SORCS1: variants seen among roughly 807,000 people sequenced by gnomAD.
SORCS1 encodes the protein sortilin related VPS10 domain containing receptor 1, also known as VPS10 domain-containing receptor SorCS1.
Under a neutral mutation model 146.1 loss-of-function variants are expected in SORCS1, and 60 were observed. The observed-to-expected ratio is 0.41, with a 90% CI of 0.33 to 0.51. The LOEUF is 0.51. Among genes scored for constraint, SORCS1 ranks in the 20% least tolerant of loss-of-function variants. The pLI is 0.21. For missense variants in SORCS1, 1,352 were observed against 1,487.6 expected, an observed-to-expected ratio of 0.91 and a Z score of 1.50; for synonymous variants, 637 against 584.0, an observed-to-expected ratio of 1.09 and a Z score of -1.31.
chr10:107,085,288 A>T lies in SORCS1; in HGVS notation c.558+78681T>A, dbSNP rs115270570. Among the ~76,000 whole-genome samples, 1,354 of 152,342 alleles carry T rather than the reference A, an allele frequency of 8.9e-3. 26 individuals are homozygous for T. The highest frequency in any genetic ancestry group is 0.031 in the African/African-American group (1,296 of 41,582). The stretch of plus-strand genomic sequence containing the variant: ...GCCTGATTCGTCCTCCGGTAATACC[A>T]TTTAAACACAACAAATAAAAATTGG... On this transcript the variant is annotated intron_variant, in intron 1 of 25. Transcript: ENST00000263054.
rs560916997 is a variant in SORCS1 at position 106,907,497 on chromosome 10, C to G, written c.626+49016G>C. On this transcript the variant is annotated intron_variant, in intron 2 of 25. Coordinates refer to ENST00000263054, the MANE Select transcript of SORCS1 (RefSeq NM_052918.5). ...TTTTTATCTGAAGGTGCTAAGATTACAGTGGATTCTATATTATTTCAATTA... is the reference window on the plus strand; with the variant it reads ...TTTTTATCTGAAGGTGCTAAGATTAGAGTGGATTCTATATTATTTCAATTA... 2.0e-5 allele frequency among the ~76,000 whole-genome samples: 3 copies of G among 152,212 alleles called. No individual in the cohort carries two copies. In the South Asian group the frequency reaches 6.2e-4, roughly 32 times the overall value.
intron 1 of SORCS1, among the ~76,000 whole-genome samples, chr10:107,055,553 G>A (rs1183643893): frequency 4.6e-5 from 7 of 152,200 alleles, no homozygotes; most frequent in African/African-American, 1.7e-4. Context: ...CTGGGCACAT[G>A]AGTGCTGTTG....
At chr10:106,765,249 C>G (rs1859476215) in intron 4 of SORCS1, among the ~76,000 whole-genome samples, 1 of 152,002 alleles carries the variant, frequency 6.6e-6, no homozygotes, top group East Asian at 1.9e-4. Flanking sequence ...GAGCACAAAC[C>G]CAACACTCAC....
intron 24 of SORCS1, among the ~76,000 whole-genome samples, chr10:106,587,476 C>T (rs1175591513): frequency 6.6e-6 from 1 of 152,232 alleles, no homozygotes; most frequent in Non-Finnish European, 1.5e-5. Flanking sequence ...ATTCTCCCTT[C>T]AAGTGGAAAG....
At chr10:106,785,009 T>C (rs1396634648) in intron 3 of SORCS1, among the ~76,000 whole-genome samples, 2 of 152,162 alleles carry the variant, frequency 1.3e-5, no homozygotes, top group Non-Finnish European at 2.9e-5. Flanking sequence ...CCATCCACAT[T>C]CTTCATCCCT....
chr10:106,669,668 C>A (rs1851437932), intron 16 of SORCS1, among the ~76,000 whole-genome samples: 1 of 152,228 alleles, frequency 6.6e-6, no homozygotes, highest in East Asian at 1.9e-4. Flanking sequence ...AGAAGTCACA[C>A]TGGGGAGGCC....
intron 1 of SORCS1, among the ~76,000 whole-genome samples, chr10:107,161,808 T>C (rs1969727115): frequency 6.6e-6 from 1 of 152,220 alleles, no homozygotes; most frequent in South Asian, 2.1e-4. Flanking sequence ...TAAAGACTAT[T>C]TCTCTTTCTC....
At chr10:107,131,471 C>T (rs949927769) in intron 1 of SORCS1, among the ~76,000 whole-genome samples, 10 of 152,160 alleles carry the variant, frequency 6.6e-5, no homozygotes, top group Admixed American at 5.9e-4. Context: ...GCCTTTAATC[C>T]CAGCACTTTG....
In SORCS1 at chr10:106,833,955, A is replaced by G. The variant is rs371101295; in HGVS notation, c.627-4282T>C. The stretch of plus-strand genomic sequence containing the variant: ...ACTACAGGCGCCCGCCACCATGCCC[A>G]GCTAATGTTTTGTATTTTTAGTAGA... On this transcript the variant is annotated intron_variant, in intron 2 of 25. Coordinates refer to ENST00000263054, the MANE Select transcript of SORCS1 (RefSeq NM_052918.5). 5.7e-3 allele frequency among the ~76,000 whole-genome samples: 866 copies of G among 152,098 alleles called. 9 individuals are homozygous for G. Among genetic ancestry groups the G allele is most frequent in the African/African-American group, 0.019 (805 of 41,512 alleles).
chr10:106,755,949 T>C (rs1589811686), intron 5 of SORCS1, among the ~76,000 whole-genome samples: 1 of 151,908 alleles, frequency 6.6e-6, no homozygotes. Context: ...GCCAACACGG[T>C]GAAATTCCGT....
intron 3 of SORCS1, among the ~76,000 whole-genome samples, chr10:106,826,497 T>A (rs1271127490): frequency 6.6e-6 from 1 of 152,252 alleles, no homozygotes; most frequent in Non-Finnish European, 1.5e-5. Context: ...TAACATAAAT[T>A]CTCATTGATT....
intron 8 of SORCS1, among the ~76,000 whole-genome samples, 161 bp from the exon 9 acceptor site, chr10:106,699,554 T>C (rs1393261380): frequency 6.6e-6 from 1 of 152,244 alleles, no homozygotes; most frequent in Non-Finnish European, 1.5e-5. Flanking sequence ...TAAGCATTAA[T>C]CATATATTTC....
intron 2 of SORCS1, among the ~76,000 whole-genome samples, chr10:106,878,827 T>C (rs1950703770): frequency 6.6e-6 from 1 of 151,138 alleles, no homozygotes; most frequent in Non-Finnish European, 1.5e-5. Flanking sequence ...GTGACTCCCA[T>C]GTAAGTGAGG....
intron 5 of SORCS1, among the ~76,000 whole-genome samples, chr10:106,738,061 T>A (rs2756249): frequency 0.78 from 119,127 of 152,108 alleles, 47,518 homozygotes; most frequent in Non-Finnish European, 0.87. Context: ...TATCCGATTT[T>A]TTCAGTCGTT....
At chr10:106,940,691 C>G (rs770230115) in intron 2 of SORCS1, among the ~76,000 whole-genome samples, 3 of 152,152 alleles carry the variant, frequency 2.0e-5, no homozygotes, top group African/African-American at 7.2e-5. Flanking sequence ...CCAGACCAAC[C>G]TGGCCAACAT....
intron 16 of SORCS1, among the ~76,000 whole-genome samples, chr10:106,668,129 T>C (rs528541663): frequency 6.6e-6 from 1 of 152,054 alleles, no homozygotes; most frequent in Non-Finnish European, 1.5e-5. Context: ...AAAGCTGTAA[T>C]GAGAAAACGG....
chr10:106,735,094 C>T (rs1006262930), intron 5 of SORCS1, among the ~76,000 whole-genome samples: 4 of 142,398 alleles, frequency 2.8e-5, no homozygotes, highest in East Asian at 2.0e-4. Context: ...TGCAGTGAGC[C>T]GAGATCAAGC....
At position 107,083,110 on chromosome 10, in the gene SORCS1, CAA is replaced by C. The variant is rs538577059; in HGVS notation, c.558+80857_558+80858del. 8.5e-3 allele frequency among the ~76,000 whole-genome samples: 512 copies of C among 60,470 alleles called. 4 individuals are homozygous for C. Among genetic ancestry groups the C allele is most frequent in the African/African-American group, 0.028 (475 of 16,788 alleles). The allele number at this position is 60,470 out of a possible 152,430, so 39.7% of individuals were successfully genotyped here. Reference sequence around the variant, plus strand: ...GGTGACAGAGTAAGACTCCAACTCACAAAAAAAAAAAAAAAAAAAAAGAAAGT... The same window carrying C: ...GGTGACAGAGTAAGACTCCAACTCACAAAAAAAAAAAAAAAAAAAGAAAGT... On this transcript the variant is annotated intron_variant, in intron 1 of 25. Coordinates refer to ENST00000263054, the MANE Select transcript of SORCS1 (RefSeq NM_052918.5).
At chr10:106,698,945 G>C (rs531048540) in intron 9 of SORCS1, among the ~76,000 whole-genome samples, 2 of 152,178 alleles carry the variant, frequency 1.3e-5, no homozygotes, top group South Asian at 2.1e-4. Flanking sequence ...CCCTGTAATT[G>C]ACTGCCTCCC....
Sources: gnomAD v4.1 joint callset for allele counts (sites outside exome capture counted in the v4.1 genomes callset) on GRCh38, gnomAD v4.1.1 for gene constraint, MANE v1.5 for transcripts, NCBI Gene and HGNC (gene_info 2026-07-23, HGNC 2026-07-21) for gene names.